The following NAV3 variants were observed in gnomAD, a reference collection of about 807,000 sequenced individuals.
NAV3 encodes neuron navigator 3, also known as pore membrane and/or filament interacting like protein 1.
NAV3 carries 87 observed loss-of-function variants against 244.7 expected under a neutral mutation model. The ratio of observed to expected loss-of-function variants is 0.36; its 90% CI spans 0.30 to 0.42. The LOEUF (loss-of-function observed/expected upper bound fraction) is 0.42. NAV3 is among the 20% of genes least tolerant of loss of function. NAV3 has a pLI of 1.00. For missense variants in NAV3, 2,663 were observed against 2,893.3 expected (o/e 0.92, Z 1.83); for synonymous variants, 1,126 against 1,042.2 (o/e 1.08, Z -1.55).
At chr12:77,598,536 AT>A (rs1870276135) in intron 2 of NAV3, among the ~76,000 whole-genome samples, 1 of 151,952 alleles carries the variant, frequency 6.6e-6, no homozygotes, top group Non-Finnish European at 1.5e-5. Context: ...TCCTGTAACA[AT>A]TTTAGCTTGA....
intron 12 of NAV3, among the ~76,000 whole-genome samples, chr12:78,081,599 C>T (rs1206896566): frequency 6.6e-6 from 1 of 152,166 alleles, no homozygotes; most frequent in Non-Finnish European, 1.5e-5. Context: ...AAATTCTGAC[C>T]TGGATCTATT....
At chr12:77,734,060 A>G (rs760938458) in intron 2 of NAV3, among the ~76,000 whole-genome samples, 3 of 151,956 alleles carry the variant, frequency 2.0e-5, no homozygotes, top group Non-Finnish European at 4.4e-5. Context: ...CAAAAAGAGA[A>G]GACCCTGAAT....
At chr12:77,807,791 C>T (rs780102132) in intron 2 of NAV3, among the ~76,000 whole-genome samples, 2 of 152,110 alleles carry the variant, frequency 1.3e-5, no homozygotes, top group Non-Finnish European at 2.9e-5. Flanking sequence ...TTCCATTTTC[C>T]CCGTCACTTT....
intron 2 of NAV3, among the ~76,000 whole-genome samples, chr12:77,765,216 TGAGACCC>T (rs1869680416): frequency 1.3e-5 from 2 of 152,198 alleles, no homozygotes; most frequent in Non-Finnish European, 2.9e-5. Flanking sequence ...CTGATCTCTT[TGAGACCC>T]TTTTGCCAGC....
At chr12:77,834,882 GAAA>G (rs10546437) in intron 1 of NAV3, among the ~76,000 whole-genome samples, 2 of 151,640 alleles carry the variant, frequency 1.3e-5, no homozygotes, top group African/African-American at 4.8e-5. Flanking sequence ...TAGCTTTTGG[GAAA>G]AAAAAAAAAA....
chr12:78,203,880 G>A (rs1404937197), intron 38 of NAV3, among the ~76,000 whole-genome samples: 1 of 149,404 alleles, frequency 6.7e-6, no homozygotes, highest in African/African-American at 2.5e-5. Context: ...TTCTCTTCAG[G>A]CTGCCCTTTC....
rs541810091 is a variant in NAV3 at position 77,728,504 on chromosome 12, A to C, written c.72+156238A>C. Among the ~76,000 whole-genome samples the C allele has an allele frequency of 3.3e-5, 5 of 152,102 alleles. No homozygotes were observed. In the South Asian group the frequency reaches 1.0e-3, roughly 32 times the overall value. On this transcript the variant is annotated intron_variant, in intron 2 of 8. Coordinates refer to the NAV3 transcript ENST00000550042. ...AGTTTACTTCTTCAATATTTAGTCC[A>C]CTTCTTCATTTTCTACACTGAGGAA...
chr12:77,827,836 C>T (rs1025836042), upstream of NAV3, among the ~76,000 whole-genome samples: 7 of 152,154 alleles, frequency 4.6e-5, no homozygotes, highest in African/African-American at 1.7e-4. Flanking sequence ...GAAACTGAGA[C>T]ACAGCAACTT....
intron 1 of NAV3, among the ~76,000 whole-genome samples, chr12:77,846,344 A>G (rs142459395): frequency 0.019 from 2,888 of 152,336 alleles, 76 homozygotes; most frequent in African/African-American, 0.065. Flanking sequence ...GTATTTAGAA[A>G]TAGTGAGGAT....
chr12:77,931,352 G>A (rs1181161093), intron 1 of NAV3, among the ~76,000 whole-genome samples: 1 of 151,858 alleles, frequency 6.6e-6, no homozygotes, highest in African/African-American at 2.4e-5. Context: ...ATGTGTGTAT[G>A]TATCATTCAT....
chr12:77,586,814 G>A (rs1193202111), intron 2 of NAV3, among the ~76,000 whole-genome samples: 1 of 152,108 alleles, frequency 6.6e-6, no homozygotes, highest in Admixed American at 6.5e-5. Context: ...CTGTTATGTT[G>A]GACAGCACAC....
intron 2 of NAV3, among the ~76,000 whole-genome samples, chr12:77,689,008 G>A: frequency 6.6e-6 from 1 of 151,850 alleles, no homozygotes; most frequent in East Asian, 1.9e-4. Context: ...TAGGAAGTGG[G>A]TAATGGAGGC....
At chr12:77,880,581 ATAT>A (rs199807251) in intron 1 of NAV3, among the ~76,000 whole-genome samples, 2,057 of 152,240 alleles carry the variant, frequency 0.014, 23 homozygotes, top group Non-Finnish European at 0.021. Flanking sequence ...ATGACCAGAG[ATAT>A]TATAATTGCA....
chr12:78,157,441 G>A (rs1293232940), intron 22 of NAV3, among the ~76,000 whole-genome samples: 1 of 150,904 alleles, frequency 6.6e-6, no homozygotes. Context: ...CATGCCTATA[G>A]TTCTTGCTAC....
chr12:78,155,503 T>C (rs1957267689), intron 22 of NAV3, among the ~76,000 whole-genome samples: 1 of 152,134 alleles, frequency 6.6e-6, no homozygotes, highest in African/African-American at 2.4e-5. Context: ...ATCTTTATAA[T>C]AGAATTATTT....
chr12:77,858,966 A>G (rs1483014343), intron 1 of NAV3, among the ~76,000 whole-genome samples: 1 of 152,054 alleles, frequency 6.6e-6, no homozygotes, highest in Non-Finnish European at 1.5e-5. Context: ...CTAAGTTCAT[A>G]AACCTTTTGT....
At chr12:78,018,617 G>A (rs1028086187) in intron 8 of NAV3, among the ~76,000 whole-genome samples, 10 of 152,158 alleles carry the variant, frequency 6.6e-5, no homozygotes, top group African/African-American at 2.4e-4. Context: ...AATGCTTAAT[G>A]TGACTCAGCT....
At chr12:78,127,341 G>A (rs1955956556) in intron 17 of NAV3, 133 bp downstream of exon 17, 1 of 863,302 alleles carries the variant, frequency 1.2e-6, no homozygotes, top group Non-Finnish European at 1.8e-6. Flanking sequence ...AATTTTGATG[G>A]TTTCTCTGGC....
At chr12:77,949,379 G>T (rs1242042125) in intron 3 of NAV3, among the ~76,000 whole-genome samples, 2 of 151,930 alleles carry the variant, frequency 1.3e-5, no homozygotes, top group African/African-American at 4.8e-5. Context: ...AAAAATTATG[G>T]TTTGGACTCA....
Sources: gnomAD v4.1 joint callset for allele counts (sites outside exome capture counted in the v4.1 genomes callset) on GRCh38, gnomAD v4.1.1 for gene constraint, MANE v1.5 for transcripts, NCBI Gene and HGNC (gene_info 2026-07-23, HGNC 2026-07-21) for gene names.